MAGI1: variants seen among roughly 807,000 people sequenced by gnomAD.
MAGI1 encodes membrane-associated guanylate kinase, WW and PDZ domain-containing protein 1.
In MAGI1, 58 loss-of-function variants were observed where a neutral mutation model predicts 139.9. The observed-to-expected ratio is 0.41, with a 90% CI of 0.34 to 0.52. MAGI1 has a LOEUF of 0.52. MAGI1 is among the 20% of genes least tolerant of loss of function. The probability of loss-of-function intolerance (pLI) is 0.12; values close to 1 mark genes in which losing one functional copy is unlikely to be tolerated. For synonymous variants in MAGI1, 812 were observed against 737.9 expected (o/e 1.10, Z -1.63); for missense variants, 1,874 against 1,901.6 (o/e 0.99, Z 0.27).
In MAGI1 at chr3:65,476,256, T is replaced by C. The variant is rs965029444; in HGVS notation, c.757+2336A>G. 3.9e-5 allele frequency among the ~76,000 whole-genome samples: 6 copies of C among 152,266 alleles called. No homozygotes were observed. In the East Asian group the frequency reaches 9.7e-4, roughly 25 times the overall value. On this transcript the variant is annotated intron_variant, in intron 4 of 22. Transcript: ENST00000402939. ...GGGGACAGTCAACGTGCTCCATACA[T>C]TGTGAAGAGGTCCCATCACGTGCAT...
intron 12 of MAGI1, among the ~76,000 whole-genome samples, chr3:65,424,847 T>C (rs1247302759): frequency 6.6e-6 from 1 of 152,126 alleles, no homozygotes; most frequent in Non-Finnish European, 1.5e-5. Context: ...TTTGCAACTC[T>C]GGTTGTATAT....
intron 1 of MAGI1, among the ~76,000 whole-genome samples, chr3:66,032,095 A>G (rs2068632846): frequency 6.6e-6 from 1 of 152,218 alleles, no homozygotes; most frequent in Admixed American, 6.5e-5. Context: ...AACAAGAAGT[A>G]AAAGACAAAT....
rs56669559 is a variant in MAGI1 at position 65,574,445 on chromosome 3, T to TAAA, written c.430+47524_430+47526dup. Among the ~76,000 whole-genome samples the TAAA allele has an allele frequency of 6.4e-5, 7 of 108,564 alleles. No individual in the cohort carries two copies. In the East Asian group the frequency reaches 1.3e-3, roughly 21 times the overall value. The allele number at this position is 108,564 out of a possible 152,430, so 71.2% of individuals were successfully genotyped here. A position where few individuals can be genotyped will look rare whatever the true frequency, so the allele number is the denominator to read the frequency against. On this transcript the variant is annotated intron_variant, in intron 2 of 22. Coordinates refer to ENST00000402939, the MANE Select transcript of MAGI1 (RefSeq NM_001033057.2). ...AGATGTAAATGACCTGCATAGAAAC[T>TAAA]AAAAAAAAAAAAAAAAAATGTACTG...
At chr3:65,550,879 G>C (rs142260877) in intron 2 of MAGI1, among the ~76,000 whole-genome samples, 249 of 152,296 alleles carry the variant, frequency 1.6e-3, no homozygotes, top group African/African-American at 5.4e-3. Flanking sequence ...GCTGAGGTGA[G>C]AGGATTGCAT....
At chr3:65,672,358 A>G (rs2086913394) in intron 1 of MAGI1, among the ~76,000 whole-genome samples, 1 of 152,256 alleles carries the variant, frequency 6.6e-6, no homozygotes, top group South Asian at 2.1e-4. Flanking sequence ...CTGTATTTGT[A>G]TATGCTAATT....
At chr3:65,931,274 C>G (rs1282526613) in intron 1 of MAGI1, among the ~76,000 whole-genome samples, 1 of 152,156 alleles carries the variant, frequency 6.6e-6, no homozygotes, top group Non-Finnish European at 1.5e-5. Flanking sequence ...ACCTCGTGAT[C>G]CACCCGCCTC....
chr3:65,418,286 T>C (rs904271173), intron 12 of MAGI1, among the ~76,000 whole-genome samples: 6 of 152,276 alleles, frequency 3.9e-5, no homozygotes, highest in East Asian at 3.9e-4. Context: ...CCTAACTAGA[T>C]TGTGAGTACT....
chr3:65,680,931 G>C (rs1469526515), intron 1 of MAGI1, among the ~76,000 whole-genome samples: 1 of 152,188 alleles, frequency 6.6e-6, no homozygotes, highest in African/African-American at 2.4e-5. Context: ...GAAAGATTCA[G>C]TATTTTAGTT....
chr3:65,878,905 T>C (rs79537329), intron 1 of MAGI1, among the ~76,000 whole-genome samples: 193 of 152,264 alleles, frequency 1.3e-3, no homozygotes, highest in African/African-American at 4.5e-3. Context: ...TATGGTTTTC[T>C]GCAGTGGGCA....
Position 65,735,356 on chromosome 3 carries a change from C to CGTGTGTGTGTGTGTGTGTGTGTGT in MAGI1, c.314-113269_314-113268insACACACACACACACACACACACAC, listed in dbSNP as rs368243061. 1.1e-3 allele frequency among the ~76,000 whole-genome samples: 170 copies of CGTGTGTGTGTGTGTGTGTGTGTGT among 148,180 alleles called. 1 individual carries two copies. Among genetic ancestry groups the CGTGTGTGTGTGTGTGTGTGTGTGT allele is most frequent in the African/African-American group, 4.1e-3 (161 of 39,632 alleles). ...GCCTGTTTTTAAAAGTGTGTCTGCA[C>CGTGTGTGTGTGTGTGTGTGTGTGT]GTGTGTGTGTGTGTGTGTGTGTACA... On this transcript the variant is annotated intron_variant, in intron 1 of 22. Coordinates refer to ENST00000402939, the MANE Select transcript of MAGI1 (RefSeq NM_001033057.2).
At chr3:65,984,549 T>TGTGTGTGTGA (rs1365094861) in intron 1 of MAGI1, among the ~76,000 whole-genome samples, 401 of 143,462 alleles carry the variant, frequency 2.8e-3, no homozygotes, top group Middle Eastern at 0.011. Context: ...TGTGTGTGTG[T>TGTGTGTGTGA]GACAGGGTCT....
At chr3:65,802,088 C>A (rs952922548) in intron 1 of MAGI1, among the ~76,000 whole-genome samples, 8 of 152,134 alleles carry the variant, frequency 5.3e-5, no homozygotes, top group African/African-American at 1.9e-4. Flanking sequence ...CCCCACTCAA[C>A]CTCCTGGAAA....
intron 2 of MAGI1, among the ~76,000 whole-genome samples, chr3:65,528,987 A>G (rs2078512161): frequency 1.3e-5 from 2 of 152,222 alleles, no homozygotes; most frequent in South Asian, 4.1e-4. Context: ...CAGAGGTTAC[A>G]GTGAGCTGAG....
intron 1 of MAGI1, among the ~76,000 whole-genome samples, chr3:65,692,596 G>A (rs1054995105): frequency 6.6e-6 from 1 of 152,132 alleles, no homozygotes; most frequent in African/African-American, 2.4e-5. Flanking sequence ...GGCTGCTATG[G>A]TTTGAATGTA....
intron 1 of MAGI1, among the ~76,000 whole-genome samples, chr3:65,707,157 T>C (rs889480252): frequency 2.6e-5 from 4 of 152,198 alleles, no homozygotes; most frequent in Non-Finnish European, 5.9e-5. Context: ...AAACCTTAGA[T>C]GTAGGCAACT....
At chr3:65,863,345 T>C (rs1377282743) in intron 1 of MAGI1, among the ~76,000 whole-genome samples, 1 of 152,228 alleles carries the variant, frequency 6.6e-6, no homozygotes, top group East Asian at 1.9e-4. Flanking sequence ...TGAGGACTTC[T>C]GGAGAGAGAG....
chr3:65,721,368 A>G (rs1240423968), intron 1 of MAGI1, among the ~76,000 whole-genome samples: 1 of 152,180 alleles, frequency 6.6e-6, no homozygotes, highest in East Asian at 1.9e-4. Context: ...CATCCAAACC[A>G]GGATGCATTT....
intron 1 of MAGI1, among the ~76,000 whole-genome samples, chr3:66,005,833 T>C (rs545679911): frequency 6.6e-6 from 1 of 150,674 alleles, no homozygotes; most frequent in South Asian, 2.1e-4. Flanking sequence ...AGAGATGGAA[T>C]GATGACAAAT....
chr3:65,922,006 C>T (rs893016286), intron 1 of MAGI1, among the ~76,000 whole-genome samples: 1 of 150,976 alleles, frequency 6.6e-6, no homozygotes, highest in Non-Finnish European at 1.5e-5. Context: ...ATATGAAAAA[C>T]GAATAATAAT....
Sources: gnomAD v4.1 joint callset for allele counts (sites outside exome capture counted in the v4.1 genomes callset) on GRCh38, gnomAD v4.1.1 for gene constraint, MANE v1.5 for transcripts, NCBI Gene and HGNC (gene_info 2026-07-23, HGNC 2026-07-21) for gene names.